FGF14: variants seen among roughly 807,000 people sequenced by gnomAD.
FGF14 encodes fibroblast growth factor 14, also known as fibroblast growth factor homologous factor 4.
Under a neutral mutation model 25.5 loss-of-function variants are expected in FGF14, and 5 were observed. The observed-to-expected ratio is 0.20, with a 90% CI of 0.10 to 0.41. The LOEUF is 0.41. FGF14 is among the 10% of genes least tolerant of loss of function. The pLI is 1.00. For missense variants in FGF14, 222 were observed against 320.1 expected, an observed-to-expected ratio of 0.69 and a Z score of 2.34; for synonymous variants, 138 against 118.3, an observed-to-expected ratio of 1.17 and a Z score of -1.08.
At chr13:102,226,519 T>C (rs186376139) in intron 1 of FGF14, among the ~76,000 whole-genome samples, 4 of 152,344 alleles carry the variant, frequency 2.6e-5, no homozygotes, top group Admixed American at 2.6e-4. Context: ...TGTAATATTT[T>C]TGAGATGTTC....
chr13:101,745,078 A>G (rs369217257), intron 3 of FGF14, among the ~76,000 whole-genome samples: 6 of 152,230 alleles, frequency 3.9e-5, no homozygotes, highest in African/African-American at 1.4e-4. Flanking sequence ...GAAAATTAAT[A>G]TGTAAGAACT....
chr13:102,239,413 A>C (rs2051482030), intron 1 of FGF14, among the ~76,000 whole-genome samples: 1 of 152,176 alleles, frequency 6.6e-6, no homozygotes, highest in Non-Finnish European at 1.5e-5. Flanking sequence ...GCAGATTCTG[A>C]CTCAATACTT....
chr13:102,246,019 T>C (rs1257654169), intron 1 of FGF14, among the ~76,000 whole-genome samples: 1 of 152,092 alleles, frequency 6.6e-6, no homozygotes. Context: ...TTTTGTTTCA[T>C]TCCTTTCTTT....
chr13:102,279,776 A>T (rs945621), intron 1 of FGF14, among the ~76,000 whole-genome samples: 119,690 of 152,118 alleles, frequency 0.79, 47,896 homozygotes, highest in African/African-American at 0.94. Flanking sequence ...AGCTTTATAA[A>T]CTAACCATTA....
intron 1 of FGF14, among the ~76,000 whole-genome samples, chr13:101,911,284 T>C (rs1235558369): frequency 1.3e-5 from 2 of 152,112 alleles, no homozygotes; most frequent in African/African-American, 4.8e-5. Flanking sequence ...CCGTAATTGA[T>C]TACGGTAACT....
intron 1 of FGF14, among the ~76,000 whole-genome samples, chr13:102,286,129 G>T (rs1310559593): frequency 2.6e-5 from 4 of 152,152 alleles, no homozygotes; most frequent in African/African-American, 9.7e-5. Flanking sequence ...TCTCGTTCAT[G>T]AATGTTTTTA....
At chr13:102,099,550 C>A (rs866143090) in intron 1 of FGF14, among the ~76,000 whole-genome samples, 1 of 152,034 alleles carries the variant, frequency 6.6e-6, no homozygotes, top group East Asian at 1.9e-4. Context: ...ATTCTTATAA[C>A]CATCTGCTGG....
chr13:102,346,406 T>C (rs1328266954), intron 1 of FGF14, among the ~76,000 whole-genome samples: 3 of 152,054 alleles, frequency 2.0e-5, no homozygotes, highest in Admixed American at 6.6e-5. Context: ...TCCCAGGTCA[T>C]ATAATTAGTA....
At chr13:101,930,121 A>G (rs1263884554) in intron 1 of FGF14, among the ~76,000 whole-genome samples, 4 of 152,054 alleles carry the variant, frequency 2.6e-5, no homozygotes, top group African/African-American at 9.7e-5. Context: ...TAAACATCAA[A>G]TTTTTTCCCT....
At chr13:101,834,886 C>T (rs1476347141) in intron 3 of FGF14, among the ~76,000 whole-genome samples, 5 of 152,026 alleles carry the variant, frequency 3.3e-5, no homozygotes, top group African/African-American at 4.8e-5. Context: ...AAGTTTCTTA[C>T]TAATCTTAAC....
In FGF14 at chr13:102,272,253, T is replaced by G. The variant is rs377502814; in HGVS notation, c.208+129218A>C. The stretch of plus-strand genomic sequence containing the variant: ...TTTTTATTATCATGAAATTTGAGTT[T>G]AAATATCACAAACGCAGAGAAGCTT... On this transcript the variant is annotated intron_variant, in intron 1 of 4. Transcript: ENST00000376131. 1.7e-4 allele frequency among the ~76,000 whole-genome samples: 26 copies of G among 152,342 alleles called. No homozygotes were observed. The East Asian group carries it at 2.7e-3, about 16-fold the overall frequency.
intron 1 of FGF14, among the ~76,000 whole-genome samples, chr13:102,281,978 ACTT>A (rs779457573): frequency 3.9e-5 from 6 of 152,026 alleles, no homozygotes; most frequent in Non-Finnish European, 5.9e-5. Context: ...AAATGCAGCA[ACTT>A]CTTCTACCAT....
At chr13:101,944,128 C>T (rs1022735948) in intron 1 of FGF14, among the ~76,000 whole-genome samples, 2 of 151,920 alleles carry the variant, frequency 1.3e-5, no homozygotes, top group Non-Finnish European at 2.9e-5. Flanking sequence ...AAGACAGTGC[C>T]ATACTGCAGA....
At chr13:101,875,116 TA>T in intron 2 of FGF14, 69 bp downstream of exon 2, 1 of 1,060,464 alleles carries the variant, frequency 9.4e-7, no homozygotes, top group South Asian at 1.3e-5. Context: ...AAATGAATCT[TA>T]AAAAGTCATT....
chr13:102,053,973 A>T (rs2042323992), intron 1 of FGF14, among the ~76,000 whole-genome samples: 1 of 152,178 alleles, frequency 6.6e-6, no homozygotes. Context: ...CAATGAGTGA[A>T]GGAGATTTTG....
intron 1 of FGF14, among the ~76,000 whole-genome samples, chr13:102,296,399 A>G (rs2054714615): frequency 6.6e-6 from 1 of 152,162 alleles, no homozygotes. Flanking sequence ...ACCGTATTGG[A>G]ATCACTTTGC....
At chr13:102,091,446 C>CG (rs2044160559) in intron 1 of FGF14, among the ~76,000 whole-genome samples, 1 of 133,848 alleles carries the variant, frequency 7.5e-6, no homozygotes, top group South Asian at 2.3e-4. Flanking sequence ...CATCACTCTA[C>CG]GATGCTTCAG....
chr13:102,057,373 C>G lies in FGF14; in HGVS notation c.209-182077G>C, dbSNP rs939589223. Among the ~76,000 whole-genome samples, 65 of 152,280 alleles carry G rather than the reference C, an allele frequency of 4.3e-4. 1 individual carries two copies. The highest frequency in any genetic ancestry group is 1.5e-3 in the African/African-American group (64 of 41,562). ...GAATACATTTCAGTCAACAGTGAGT[C>G]TGATTGATAACTTTAGCTCTTTACG... On this transcript the variant is annotated intron_variant, in intron 1 of 4. Coordinates refer to the FGF14 transcript ENST00000376131.
At chr13:102,193,717 G>T (rs531078932) in intron 1 of FGF14, among the ~76,000 whole-genome samples, 1 of 152,112 alleles carries the variant, frequency 6.6e-6, no homozygotes, top group African/African-American at 2.4e-5. Context: ...GTTCTTACAG[G>T]AAAGTCATGA....
Sources: gnomAD v4.1 joint callset for allele counts (sites outside exome capture counted in the v4.1 genomes callset) on GRCh38, gnomAD v4.1.1 for gene constraint, MANE v1.5 for transcripts, NCBI Gene and HGNC (gene_info 2026-07-23, HGNC 2026-07-21) for gene names.